The following CDKL3 variants were observed in gnomAD, a reference collection of about 807,000 sequenced individuals.
CDKL3 encodes the protein cyclin-dependent kinase-like 3.
Under a neutral mutation model 69.3 loss-of-function variants are expected in CDKL3, and 65 were observed. The ratio of observed to expected loss-of-function variants is 0.94; its 90% confidence interval spans 0.77 to 1.15. The LOEUF is 1.15. Ranked by LOEUF, CDKL3 falls within the 50% of genes most tolerant of loss-of-function variation. The pLI, the probability that CDKL3 is intolerant of heterozygous loss-of-function variation, is 0.00. For missense variants in CDKL3, 652 were observed against 689.2 expected, an observed-to-expected ratio of 0.95 and a Z score of 0.61; for synonymous variants, 202 against 221.6, an observed-to-expected ratio of 0.91 and a Z score of 0.79.
chr5:134,293,964 T>C (rs1765237866), downstream of CDKL3, among the ~76,000 whole-genome samples: 1 of 151,080 alleles, frequency 6.6e-6, no homozygotes, highest in Admixed American at 6.6e-5. Flanking sequence ...AAAATGAAAA[T>C]TAGCTGGGCA....
chr5:134,291,105 T>C (rs1008038806), intron 8 of CDKL3, among the ~76,000 whole-genome samples: 6 of 152,136 alleles, frequency 3.9e-5, no homozygotes, highest in Non-Finnish European at 8.8e-5. Flanking sequence ...TCTTGAGCAA[T>C]TAGAAGAATG....
intron 3 of CDKL3, among the ~76,000 whole-genome samples, chr5:134,351,566 C>T (rs939265295): frequency 2.0e-5 from 3 of 152,078 alleles, no homozygotes; most frequent in African/African-American, 7.2e-5. Flanking sequence ...TCCTGAGTAG[C>T]TAGGACTATA....
intron 6 of CDKL3, 77 bp downstream of exon 6, chr5:134,319,281 G>T: frequency 8.9e-7 from 1 of 1,120,122 alleles, no homozygotes; most frequent in Non-Finnish European, 1.2e-6. Context: ...AGTGAGCCGA[G>T]ATCACTCCAC....
Position 134,366,481 on chromosome 5 carries a change from A to G in CDKL3, c.43T>C (p.Tyr15His). The change falls in exon 2 of 13, where the codon TAC becomes CAC. Residue 15 changes from tyrosine (Y) to histidine (H), a missense_variant. Coordinates refer to ENST00000265334, the MANE Select transcript of CDKL3 (RefSeq NM_001113575.2). Reference protein sequence around the residue: ...ETLGKVGEGSYGTVMKCKHKN... With the variant: ...ETLGKVGEGSHGTVMKCKHKN... Reference sequence around the variant, plus strand: ...TGTTTACATTTCATGACTGTTCCGTAACTTCCCTCTCCCACTTTTCCAAGG... The same window carrying G: ...TGTTTACATTTCATGACTGTTCCGTGACTTCCCTCTCCCACTTTTCCAAGG... 1 of 1,608,682 alleles carries G rather than the reference A, an allele frequency of 6.2e-7. No homozygotes were observed.
intron 8 of CDKL3, among the ~76,000 whole-genome samples, chr5:134,292,661 GA>G (rs1319684349): frequency 6.6e-6 from 1 of 151,766 alleles, no homozygotes; most frequent in Non-Finnish European, 1.5e-5. Context: ...GCAGTTCTTT[GA>G]AAAGATTAGC....
intron 3 of CDKL3, 135 bp from the exon 4 acceptor site, chr5:134,350,562 C>A: frequency 1.6e-6 from 1 of 629,238 alleles, no homozygotes; most frequent in Non-Finnish European, 2.8e-6. Flanking sequence ...GGATTAATTA[C>A]ACAATGCAAA....
intron 1 of CDKL3, 131 bp from the exon 2 acceptor site, chr5:134,366,675 C>G (rs952217955): frequency 1.3e-4 from 91 of 700,972 alleles, no homozygotes; most frequent in Non-Finnish European, 9.2e-5. Context: ...AAAAAGGAAT[C>G]TTTTCCACTG....
chr5:134,331,332 T>C (rs945969687), intron 4 of CDKL3, among the ~76,000 whole-genome samples: 11 of 152,266 alleles, frequency 7.2e-5, no homozygotes, highest in Admixed American at 7.2e-4. Flanking sequence ...TACTATAAAG[T>C]TCTAGGGTAC....
chr5:134,367,207 C>G, upstream of CDKL3: 7 of 985,774 alleles, frequency 7.1e-6, no homozygotes, highest in Non-Finnish European at 8.4e-6. Flanking sequence ...GGGCAGGGTC[C>G]CGACCCGGAA....
At position 134,367,143 on chromosome 5, in the gene CDKL3, T is replaced by C. The variant is rs1757633693; in HGVS notation, c.-188A>G. The C allele has an allele frequency of 2.0e-6, 2 of 985,592 alleles. No homozygotes were observed. The highest frequency in any genetic ancestry group is 2.4e-6 in the Non-Finnish European group (2 of 830,140). The allele number at this position is 985,592 out of a possible 1,614,324, so 61.1% of individuals were successfully genotyped here. A position where few individuals can be genotyped will look rare whatever the true frequency, so the allele number is the denominator to read the frequency against. On this transcript the variant is annotated 5_prime_UTR_variant, in exon 1 of 13. The change abolishes an upstream ATG in the 5' untranslated region. Coordinates refer to ENST00000265334, the MANE Select transcript of CDKL3 (RefSeq NM_001113575.2). ...GCAAGGAACCGGCCACTTGCCACCA[T>C]GGAAACGCCGGCGGAGTTGCTGCGT...
intron 4 of CDKL3, among the ~76,000 whole-genome samples, chr5:134,344,590 A>G (rs1751345549): frequency 6.6e-6 from 1 of 152,234 alleles, no homozygotes; most frequent in Non-Finnish European, 1.5e-5. Flanking sequence ...AATCAAACCC[A>G]CAATGAGATA....
chr5:134,369,056 G>A (rs973750889), upstream of CDKL3, among the ~76,000 whole-genome samples: 3 of 152,136 alleles, frequency 2.0e-5, no homozygotes, highest in Admixed American at 6.6e-5. Flanking sequence ...CCAGGACAAA[G>A]ATGAACCAAA....
intron 2 of CDKL3, 43 bp downstream of exon 2, chr5:134,366,316 A>T (rs1430972853): frequency 7.1e-7 from 1 of 1,414,642 alleles, no homozygotes; most frequent in Non-Finnish European, 9.5e-7. Flanking sequence ...TTCCATAACA[A>T]TTTTTTCTTT....
intron 3 of CDKL3, among the ~76,000 whole-genome samples, chr5:134,353,047 A>C (rs1311257564): frequency 6.6e-6 from 1 of 152,232 alleles, no homozygotes; most frequent in Non-Finnish European, 1.5e-5. Flanking sequence ...GTAGTTTAAC[A>C]GTTTCAGATC....
intron 4 of CDKL3, among the ~76,000 whole-genome samples, chr5:134,344,528 C>T (rs1045171971): frequency 6.6e-6 from 1 of 152,022 alleles, no homozygotes; most frequent in Non-Finnish European, 1.5e-5. Context: ...GGCCAATAAG[C>T]ACACGCACAC....
At chr5:134,325,334 T>C (rs775292841) in intron 4 of CDKL3, among the ~76,000 whole-genome samples, 8 of 151,908 alleles carry the variant, frequency 5.3e-5, no homozygotes, top group Non-Finnish European at 7.4e-5. Flanking sequence ...GAATTAATTA[T>C]AGTATATACA....
intron 8 of CDKL3, among the ~76,000 whole-genome samples, chr5:134,288,312 G>C (rs191458037): frequency 6.6e-6 from 1 of 152,204 alleles, no homozygotes; most frequent in Admixed American, 6.5e-5. Flanking sequence ...GGGTGGAAAA[G>C]AATTACAGTA....
Position 134,344,379 on chromosome 5 carries a change from C to T in CDKL3, c.539+5870G>A, listed in dbSNP as rs1163705822. On this transcript the variant is annotated intron_variant, in intron 4 of 12. Coordinates refer to ENST00000265334, the MANE Select transcript of CDKL3 (RefSeq NM_001113575.2). ...ACAACCCATAAAATGGAAGAACATA[C>T]TTGTAAATCACATATCTGATAAGGA... is the stretch of plus-strand genomic sequence containing the variant. Among the ~76,000 whole-genome samples the T allele has an allele frequency of 2.0e-5, 3 of 152,010 alleles. No homozygotes were observed. In the East Asian group the frequency reaches 5.8e-4, roughly 29 times the overall value.
chr5:134,319,714 A>G (rs1772226110), intron 5 of CDKL3, among the ~76,000 whole-genome samples: 1 of 152,220 alleles, frequency 6.6e-6, no homozygotes, highest in South Asian at 2.1e-4. Flanking sequence ...CACAGGCAAC[A>G]GAAGATGTAA....
Sources: gnomAD v4.1 joint callset for allele counts (sites outside exome capture counted in the v4.1 genomes callset) on GRCh38, gnomAD v4.1.1 for gene constraint, MANE v1.5 for transcripts, NCBI Gene and HGNC (gene_info 2026-07-23, HGNC 2026-07-21) for gene names.